ARHGEF7: variants seen among roughly 807,000 people sequenced by gnomAD.
ARHGEF7 encodes the protein Rho guanine nucleotide exchange factor 7, also known as PAK-interacting exchange factor beta.
ARHGEF7 carries 33 observed loss-of-function variants against 109.8 expected under a neutral mutation model. The ratio of observed to expected loss-of-function variants is 0.30; its 90% CI spans 0.23 to 0.40. The LOEUF is 0.40. Ranked by LOEUF, ARHGEF7 falls within the 10% of genes least tolerant of loss-of-function variation. The pLI is 1.00. For synonymous variants in ARHGEF7, 458 were observed against 424.6 expected (o/e 1.08, Z -0.97); for missense variants, 938 against 1,098.5 (o/e 0.85, Z 2.07).
At chr13:111,225,797 G>A (rs561487330) in intron 5 of ARHGEF7, among the ~76,000 whole-genome samples, 83 of 152,218 alleles carry the variant, frequency 5.5e-4, no homozygotes, top group African/African-American at 2.0e-3. Flanking sequence ...AATTCCCCAT[G>A]TTTTTCCCCA....
chr13:111,238,975 A>G (rs1301063566), intron 6 of ARHGEF7, among the ~76,000 whole-genome samples: 2 of 152,182 alleles, frequency 1.3e-5, no homozygotes, highest in South Asian at 2.1e-4. Context: ...GGCTTCAGGA[A>G]ACTTACAGTC....
chr13:111,299,866 T>G (rs2093523079), intron 19 of ARHGEF7, among the ~76,000 whole-genome samples: 1 of 152,184 alleles, frequency 6.6e-6, no homozygotes, highest in Non-Finnish European at 1.5e-5. Flanking sequence ...GAGAAATGTT[T>G]CTCATGGTAC....
At chr13:111,127,068 T>C (rs527644144) in intron 1 of ARHGEF7, among the ~76,000 whole-genome samples, 1 of 152,254 alleles carries the variant, frequency 6.6e-6, no homozygotes, top group Non-Finnish European at 1.5e-5. Context: ...AGACAGAAAT[T>C]ACCAACGTAA....
chr13:111,129,882 C>T (rs1034458306), intron 1 of ARHGEF7, among the ~76,000 whole-genome samples: 1 of 152,088 alleles, frequency 6.6e-6, no homozygotes, highest in African/African-American at 2.4e-5. Flanking sequence ...AGATGTCTGC[C>T]CAAGAAAATG....
chr13:111,245,664 C>A (rs772252522), intron 8 of ARHGEF7, among the ~76,000 whole-genome samples: 9 of 152,186 alleles, frequency 5.9e-5, no homozygotes, highest in Non-Finnish European at 1.3e-4. Context: ...TGCAAAACTT[C>A]TTGACCCACC....
chr13:111,200,007 A>G (rs894270395), intron 2 of ARHGEF7, among the ~76,000 whole-genome samples: 6 of 152,154 alleles, frequency 3.9e-5, no homozygotes. Flanking sequence ...CACTCTGTGA[A>G]GCCCTTTCTG....
intron 8 of ARHGEF7, 72 bp from the exon 9 acceptor site, chr13:111,267,476 T>C (rs2091756416): frequency 1.3e-6 from 2 of 1,586,502 alleles, no homozygotes; most frequent in South Asian, 2.3e-5. Flanking sequence ...CAGAGTATTA[T>C]ATGTCTGTCA....
At chr13:111,287,340 C>T (rs570219784) in intron 17 of ARHGEF7, among the ~76,000 whole-genome samples, 1 of 152,312 alleles carries the variant, frequency 6.6e-6, no homozygotes, top group South Asian at 2.1e-4. Context: ...TCTGAGAGGG[C>T]TGTTCTGTGG....
At chr13:111,244,122 G>A in intron 7 of ARHGEF7, 77 bp from the exon 8 acceptor site, 1 of 1,266,002 alleles carries the variant, frequency 7.9e-7, no homozygotes, top group East Asian at 2.4e-5. Flanking sequence ...GACTTCAATA[G>A]GACATTGGGA....
At chr13:111,242,474 T>A (rs1272196875) in intron 6 of ARHGEF7, among the ~76,000 whole-genome samples, 1 of 152,202 alleles carries the variant, frequency 6.6e-6, no homozygotes, top group Admixed American at 6.5e-5. Flanking sequence ...TACAATTTCT[T>A]TTGTATGAAT....
In ARHGEF7 at chr13:111,221,517, ATATAT is replaced by A. The variant is rs1566875905; in HGVS notation, c.670+3638_670+3642del. ...CATATATATATCTATATATATAGAT[ATATAT>A]CTATATATATCTATATATAGATACA... is the stretch of plus-strand genomic sequence containing the variant. On this transcript the variant is annotated intron_variant, in intron 5 of 21. Coordinates refer to ENST00000646102, the MANE Select transcript of ARHGEF7 (RefSeq NM_001354046.2). Among the ~76,000 whole-genome samples the A allele has an allele frequency of 1.3e-3, 60 of 47,274 alleles. 1 individual carries two copies. The East Asian group carries it at 0.016, about 13-fold the overall frequency. The allele number at this position is 47,274 out of a possible 152,430, so 31.0% of individuals were successfully genotyped here. A position where few individuals can be genotyped will look rare whatever the true frequency, so the allele number is the denominator to read the frequency against.
chr13:111,286,351 G>A (rs778630202), intron 17 of ARHGEF7, 111 bp downstream of exon 17: 76 of 851,058 alleles, frequency 8.9e-5, no homozygotes, highest in Non-Finnish European at 1.4e-4. Flanking sequence ...CCAAACAAAA[G>A]TAAGGTCTGC....
At chr13:111,205,211 C>T (rs1388621551) in intron 2 of ARHGEF7, 78 bp from the exon 3 acceptor site, 11 of 1,127,108 alleles carry the variant, frequency 9.8e-6, no homozygotes, top group African/African-American at 6.4e-5. Flanking sequence ...AGCATCGTCG[C>T]GTTGCTGGGA....
rs1418046126 is a variant in ARHGEF7, at chr13:111,145,899, C to T, written c.166-8006C>T. Among the ~76,000 whole-genome samples the T allele has an allele frequency of 6.6e-6, 1 of 152,142 alleles. No homozygotes were observed. The highest frequency in any genetic ancestry group is 2.4e-5 in the African/African-American group (1 of 41,424). ...AACTACCTCAAAAGTTTTCTGTGACCCTTTCAGCTAAGGTTCTTTGTTTCA... is the reference window on the plus strand; with the variant it reads ...AACTACCTCAAAAGTTTTCTGTGACTCTTTCAGCTAAGGTTCTTTGTTTCA... On this transcript the variant is annotated intron_variant, in intron 1 of 21. Coordinates refer to ENST00000646102, the MANE Select transcript of ARHGEF7 (RefSeq NM_001354046.2). The surrounding 1 kb of genome is among the most constrained non-coding windows in gnomAD (Gnocchi z 4.3).
intron 2 of ARHGEF7, among the ~76,000 whole-genome samples, chr13:111,196,044 T>C (rs2080460707): frequency 6.6e-6 from 1 of 152,204 alleles, no homozygotes; most frequent in Admixed American, 6.5e-5. Flanking sequence ...AAACTTATCT[T>C]TTAGGATCAA....
At chr13:111,134,331 T>C (rs1351368588) in intron 1 of ARHGEF7, among the ~76,000 whole-genome samples, 1 of 152,220 alleles carries the variant, frequency 6.6e-6, no homozygotes, top group Non-Finnish European at 1.5e-5. Context: ...CTGGGTCAAA[T>C]AGTATTTCTA....
At chr13:111,203,929 C>T (rs66525206) in intron 2 of ARHGEF7, among the ~76,000 whole-genome samples, 14,815 of 152,212 alleles carry the variant, frequency 0.097, 926 homozygotes, top group Non-Finnish European at 0.14. Flanking sequence ...CGTCTCCATT[C>T]GGATGCCTTT....
At position 111,280,486 on chromosome 13, in the gene ARHGEF7, G is replaced by A. The variant is rs372454525; in HGVS notation, c.1586-52G>A. On this transcript the variant is annotated intron_variant, in intron 14 of 21. Coordinates refer to ENST00000646102, the MANE Select transcript of ARHGEF7 (RefSeq NM_001354046.2). ...GGAATTCTGGGGGGTGTGCACGCACGTGCTTTTTACCTGTGTTTCCACTCG... is the reference window on the plus strand; with the variant it reads ...GGAATTCTGGGGGGTGTGCACGCACATGCTTTTTACCTGTGTTTCCACTCG... The A allele has an allele frequency of 1.4e-3, 2,152 of 1,578,884 alleles. 60 individuals carry two copies. In the South Asian group the frequency reaches 0.024, roughly 17 times the overall value.
At chr13:111,281,014 T>G (rs1028829755) in intron 15 of ARHGEF7, 2 of 187,478 alleles carry the variant, frequency 1.1e-5, no homozygotes, top group Non-Finnish European at 2.2e-5. Flanking sequence ...GAATTTTAAC[T>G]GTTTATTATG....
Sources: allele counts gnomAD v4.1 joint callset (sites outside exome capture counted in the v4.1 genomes callset), GRCh38; gene constraint gnomAD v4.1.1; non-coding constraint Gnocchi (gnomAD v3.1); transcripts MANE v1.5; gene names NCBI Gene and HGNC (gene_info 2026-07-23, HGNC 2026-07-21).